The following SYNE1 variants were observed in gnomAD, a reference collection of about 807,000 sequenced individuals.
SYNE1 encodes the protein nesprin-1.
Under a neutral mutation model 1,111.0 loss-of-function variants are expected in SYNE1, and 616 were observed. That is an observed-to-expected ratio of 0.55 (90% CI 0.52 to 0.59). The LOEUF (loss-of-function observed/expected upper bound fraction) is 0.59, where lower values mean the gene tolerates loss of function less well. Among genes scored for constraint, SYNE1 ranks in the 20% least tolerant of loss-of-function variants. The probability of loss-of-function intolerance (pLI) is 0.00; values close to 1 mark genes in which losing one functional copy is unlikely to be tolerated. For missense variants in SYNE1, 10,006 were observed against 10,417.0 expected (o/e 0.96, Z 1.72); for synonymous variants, 3,855 against 3,825.8 (o/e 1.01, Z -0.28).
intron 3 of SYNE1, among the ~76,000 whole-genome samples, chr6:152,620,291 G>GC (rs56303337): frequency 0.71 from 108,506 of 151,774 alleles, 38,859 homozygotes; most frequent in East Asian, 0.82. Context: ...AGTGTTGAGT[G>GC]CCCATTTCAC....
At chr6:152,454,990 T>G (rs1234319965) in intron 24 of SYNE1, among the ~76,000 whole-genome samples, 1 of 152,136 alleles carries the variant, frequency 6.6e-6, no homozygotes, top group Non-Finnish European at 1.5e-5. Context: ...ATGATAAACA[T>G]GAAGATACTG....
chr6:152,510,890 C>T (rs1055474754), intron 7 of SYNE1, 121 bp downstream of exon 7: 13 of 916,370 alleles, frequency 1.4e-5, no homozygotes, highest in Non-Finnish European at 2.4e-5. Flanking sequence ...GTGAAAGGTA[C>T]ATTTCTGCTA....
chr6:152,318,446 G>T, intron 85 of SYNE1, 183 bp from the exon 86 acceptor site: 1 of 688,260 alleles, frequency 1.5e-6, no homozygotes, highest in Non-Finnish European at 2.5e-6. Flanking sequence ...ATGTTGTAAT[G>T]CTGGTGTTTA....
chr6:152,517,548 A>G (rs937004532), intron 6 of SYNE1, among the ~76,000 whole-genome samples: 1 of 152,228 alleles, frequency 6.6e-6, no homozygotes, highest in African/African-American at 2.4e-5. Context: ...TAACTGCATC[A>G]TTGTTTGTGT....
At chr6:152,289,741 C>T (rs992461254) in intron 95 of SYNE1, among the ~76,000 whole-genome samples, 4 of 152,206 alleles carry the variant, frequency 2.6e-5, no homozygotes, top group African/African-American at 9.7e-5. Context: ...ATTCTCCTGC[C>T]TCAGCCTCCC....
At chr6:152,619,441 CA>C (rs1370564273) in intron 3 of SYNE1, among the ~76,000 whole-genome samples, 1 of 151,560 alleles carries the variant, frequency 6.6e-6, no homozygotes, top group East Asian at 2.0e-4. Flanking sequence ...TCCAGGTTTT[CA>C]TGGAGAGGAA....
At position 152,413,446 on chromosome 6, in the gene SYNE1, C is replaced by A. The variant is rs200432574; in HGVS notation, c.6136G>T (p.Ala2046Ser). ...CWLKDKAKQIAQKDVAFAPEV... is the reference protein window; with the variant it reads ...CWLKDKAKQISQKDVAFAPEV... ...GGTGCAAAAGCTACATCTTTCTGGGCAATTTGCTTGGCTTTGTCTTTCAAC... is the reference window on the plus strand; with the variant it reads ...GGTGCAAAAGCTACATCTTTCTGGGAAATTTGCTTGGCTTTGTCTTTCAAC... Residue 2046 changes from alanine to serine, a missense_variant, in exon 42 of 146, where the codon GCC becomes TCC. This residue lies in a region of SYNE1 where 4,955 missense variants were observed against 5,017.2 expected (regional missense o/e 0.99). Coordinates refer to ENST00000367255, the MANE Select transcript of SYNE1 (RefSeq NM_182961.4). 3.1e-6 allele frequency: 5 copies of A among 1,614,002 alleles called. No homozygotes were observed. The highest frequency in any genetic ancestry group is 4.2e-6 in the Non-Finnish European group (5 of 1,180,026).
At position 152,339,072 on chromosome 6, in the gene SYNE1, T is replaced by C. The variant is rs544413859; in HGVS notation, c.12351+169A>G. Among the ~76,000 whole-genome samples the C allele has an allele frequency of 2.3e-3, 346 of 152,334 alleles. 1 individual carries two copies. The highest frequency in any genetic ancestry group is 8.0e-3 in the African/African-American group (331 of 41,578). On this transcript the variant is annotated intron_variant, in intron 75 of 145. Transcript: ENST00000367255. ...TCATCAATGTCAGGATGTGCTTAATTTTCTATGAGTTAGCTGAAATTCAAA... is the reference window on the plus strand; with the variant it reads ...TCATCAATGTCAGGATGTGCTTAATCTTCTATGAGTTAGCTGAAATTCAAA...
intron 137 of SYNE1, chr6:152,147,755 CTG>C (rs1399108484): frequency 1.7e-5 from 7 of 402,862 alleles, no homozygotes; most frequent in Non-Finnish European, 3.3e-5. Flanking sequence ...TGGTTTCTCA[CTG>C]TGTCCCACAC....
At chr6:152,169,175 T>C (rs552550740) in intron 130 of SYNE1, among the ~76,000 whole-genome samples, 132 of 152,266 alleles carry the variant, frequency 8.7e-4, no homozygotes, top group African/African-American at 3.0e-3. Context: ...CAAAAAGGAC[T>C]ACATGATGAT....
chr6:152,140,170 A>G lies in SYNE1; in HGVS notation c.25247-9T>C. The G allele has an allele frequency of 6.2e-7, 1 of 1,613,984 alleles. No homozygotes were observed. Among genetic ancestry groups the G allele is most frequent in the Non-Finnish European group, 8.5e-7 (1 of 1,179,822 alleles). On this transcript the variant is annotated splice_polypyrimidine_tract_variant and intron_variant, in intron 139 of 145. Coordinates refer to ENST00000367255, the MANE Select transcript of SYNE1 (RefSeq NM_182961.4). ...CCATCGGTCAATCACACCTGGCAAG[A>G]CATGCATAGAACAGTGAGGTTATTT...
chr6:152,275,178 A>G (rs1221760159), intron 98 of SYNE1, among the ~76,000 whole-genome samples: 1 of 152,158 alleles, frequency 6.6e-6, no homozygotes, highest in African/African-American at 2.4e-5. Flanking sequence ...AACTGCTAAG[A>G]TTACAGGCAT....
At chr6:152,481,917 T>C (rs917815194) in intron 14 of SYNE1, among the ~76,000 whole-genome samples, 3 of 151,902 alleles carry the variant, frequency 2.0e-5, no homozygotes, top group Admixed American at 6.6e-5. Flanking sequence ...CCCAAAGTCA[T>C]GCTTGCATCT....
chr6:152,577,440 G>A (rs2099501326), intron 3 of SYNE1, among the ~76,000 whole-genome samples: 1 of 152,124 alleles, frequency 6.6e-6, no homozygotes, highest in Non-Finnish European at 1.5e-5. Flanking sequence ...AGACCATTCT[G>A]GCTAACACAG....
intron 3 of SYNE1, among the ~76,000 whole-genome samples, chr6:152,574,219 TATG>T (rs1235534371): frequency 8.0e-5 from 12 of 149,656 alleles, no homozygotes; most frequent in African/African-American, 2.7e-4. Flanking sequence ...TATATATATA[TATG>T]GCAGATATAA....
intron 145 of SYNE1, chr6:152,127,825 T>C (rs1192707232): frequency 6.6e-6 from 1 of 152,198 alleles, no homozygotes; most frequent in Non-Finnish European, 1.5e-5. Context: ...CTAGTGTACA[T>C]GCAAAAAACC....
At position 152,318,845 on chromosome 6, in the gene SYNE1, TA is replaced by T. The variant is rs764984681; in HGVS notation, c.16389+17del. Reference sequence around the variant, plus strand: ...ATTTAATTCATTCAGTAGTACCCTTTAAAATTCTACTTCTTACCTTTTGGTC... The same window carrying T: ...ATTTAATTCATTCAGTAGTACCCTTTAAATTCTACTTCTTACCTTTTGGTC... On this transcript the variant is annotated intron_variant, in intron 85 of 145. Coordinates refer to ENST00000367255, the MANE Select transcript of SYNE1 (RefSeq NM_182961.4). 3 of 1,613,932 alleles carry T rather than the reference TA, an allele frequency of 1.9e-6. No individual in the cohort carries two copies. The Admixed American group carries it at 5.0e-5, about 27-fold the overall frequency.
chr6:152,308,383 A>T, intron 91 of SYNE1, 106 bp downstream of exon 91: 1 of 1,513,542 alleles, frequency 6.6e-7, no homozygotes, highest in Non-Finnish European at 9.0e-7. Flanking sequence ...TGAACACATT[A>T]AGTGCAGGAC....
chr6:152,244,396 TTC>T, intron 106 of SYNE1, 139 bp downstream of exon 106: 1 of 1,253,776 alleles, frequency 8.0e-7, no homozygotes, highest in Non-Finnish European at 1.1e-6. Context: ...TCAGAAAATT[TTC>T]TAAGAGTTGC....
Sources: allele counts gnomAD v4.1 joint callset (sites outside exome capture counted in the v4.1 genomes callset), GRCh38; gene constraint gnomAD v4.1.1; regional missense constraint gnomAD v4.1.1; transcripts MANE v1.5; gene names NCBI Gene and HGNC (gene_info 2026-07-23, HGNC 2026-07-21).